Variants in DMD observed in about 807,000 individuals in gnomAD.
DMD encodes mutant dystrophin.
Under a neutral mutation model 330.1 loss-of-function variants are expected in DMD, and 63 were observed. The observed-to-expected ratio is 0.19, with a 90% CI of 0.16 to 0.24. The LOEUF (loss-of-function observed/expected upper bound fraction) is 0.24, where lower values mean the gene tolerates loss of function less well. Ranked by LOEUF, DMD falls within the 10% of genes least tolerant of loss-of-function variation. DMD has a pLI of 1.00. For synonymous variants in DMD, 1,223 were observed against 959.8 expected, an observed-to-expected ratio of 1.27 and a Z score of -5.07; for missense variants, 3,344 against 2,684.1, an observed-to-expected ratio of 1.25 and a Z score of -5.43.
intron 44 of DMD, among the ~76,000 whole-genome samples, chrX:32,175,746 A>G (rs985619910): frequency 9.9e-5 from 11 of 111,355 alleles, no homozygotes; most frequent in Admixed American, 4.8e-4. Flanking sequence ...GACCACATGT[A>G]CAGTCCTTAC....
intron 49 of DMD, among the ~76,000 whole-genome samples, chrX:31,827,397 C>T (rs2092916387): frequency 8.9e-6 from 1 of 111,988 alleles, no homozygotes; most frequent in African/African-American, 3.2e-5. Context: ...TTTATATGCA[C>T]CTAACACTGG....
chrX:31,603,497 T>TA (rs1050583608), intron 55 of DMD, among the ~76,000 whole-genome samples: 1 of 111,273 alleles, frequency 9.0e-6, no homozygotes, highest in Admixed American at 9.6e-5. Context: ...GGGTTAGAAA[T>TA]AAAAAAAGTC....
At chrX:31,783,034 A>C (rs1347532087) in intron 50 of DMD, among the ~76,000 whole-genome samples, 1 of 111,941 alleles carries the variant, frequency 8.9e-6, no homozygotes, top group Non-Finnish European at 1.9e-5. Flanking sequence ...AAAAAGCCAG[A>C]TGAAACCATA....
In DMD at chrX:31,226,205, G is replaced by A. The variant is rs186668121; in HGVS notation, c.9287-3084C>T. Among the ~76,000 whole-genome samples, 847 of 112,106 alleles carry A rather than the reference G, an allele frequency of 7.6e-3. 4 individuals carry two copies. The highest frequency in any genetic ancestry group is 0.041 in the Middle Eastern group (9 of 218). ...AGAGCCTCTGGTGATTCATATGGAA[G>A]TTCTTTAAATGAATATTTTAATAAA... On this transcript the variant is annotated intron_variant, in intron 63 of 78. Coordinates refer to ENST00000357033, the MANE Select transcript of DMD (RefSeq NM_004006.3).
chrX:32,369,115 C>T (rs1196324908), intron 34 of DMD, among the ~76,000 whole-genome samples: 2 of 111,305 alleles, frequency 1.8e-5, no homozygotes, highest in Non-Finnish European at 3.8e-5. Flanking sequence ...ACTATAAATT[C>T]TCACAATGTC....
In DMD at chrX:32,252,614, A is replaced by T. The variant is rs1331478502; in HGVS notation, c.6290+34915T>A. Among the ~76,000 whole-genome samples the T allele has an allele frequency of 1.2e-3, 102 of 85,446 alleles. 1 individual carries two copies. The highest frequency in any genetic ancestry group is 1.8e-3 in the Non-Finnish European group (83 of 46,818). The allele number at this position is 85,446 out of a possible 115,157, so 74.2% of individuals were successfully genotyped here. Reference sequence around the variant, plus strand: ...TATATATATATAAACATATATAAATAAATATATAAATATGTGTATATATAA... The same window carrying T: ...TATATATATATAAACATATATAAATTAATATATAAATATGTGTATATATAA... On this transcript the variant is annotated intron_variant, in intron 43 of 78. Coordinates refer to ENST00000357033, the MANE Select transcript of DMD (RefSeq NM_004006.3).
At chrX:32,517,263 G>T (rs2045946864) in intron 18 of DMD, 1 of 112,059 alleles carries the variant, frequency 8.9e-6, no homozygotes, top group Non-Finnish European at 1.9e-5. Flanking sequence ...TACTCTGCCT[G>T]TTAGAAATTA....
intron 7 of DMD, among the ~76,000 whole-genome samples, chrX:32,778,429 G>A (rs189865228): frequency 1.2e-4 from 13 of 110,541 alleles, no homozygotes; most frequent in African/African-American, 3.9e-4. Flanking sequence ...CTAAGAAACT[G>A]AACAGAAAAA....
At chrX:32,912,679 C>G (rs1463250823) in intron 2 of DMD, among the ~76,000 whole-genome samples, 1 of 111,574 alleles carries the variant, frequency 9.0e-6, no homozygotes, top group Admixed American at 9.5e-5. Context: ...ATGATTCCAA[C>G]TATACGAAGT....
chrX:31,348,787 G>A (rs1367488562), intron 60 of DMD, among the ~76,000 whole-genome samples, 153 bp from the exon 61 acceptor site: 4 of 111,978 alleles, frequency 3.6e-5, no homozygotes, highest in East Asian at 2.8e-4. Flanking sequence ...TTCACTTACC[G>A]TATATAGTAT....
chrX:33,018,078 G>T (rs535902420), intron 2 of DMD, among the ~76,000 whole-genome samples: 2 of 112,237 alleles, frequency 1.8e-5, no homozygotes, highest in South Asian at 7.2e-4. Flanking sequence ...TAAGAAAAGA[G>T]GAAAAAGATT....
chrX:32,977,249 G>A (rs1278661631), intron 2 of DMD, among the ~76,000 whole-genome samples: 2 of 110,963 alleles, frequency 1.8e-5, no homozygotes, highest in African/African-American at 6.6e-5. Context: ...GCATTGAGCC[G>A]AGATCATGCC....
At chrX:31,917,020 T>C (rs1037899243) in intron 47 of DMD, among the ~76,000 whole-genome samples, 21 of 112,001 alleles carry the variant, frequency 1.9e-4, no homozygotes, top group African/African-American at 6.8e-4. Flanking sequence ...ACTGTATGCA[T>C]TCCATTGAAT....
chrX:31,780,346 T>C (rs1459553585), intron 50 of DMD, among the ~76,000 whole-genome samples: 1 of 112,251 alleles, frequency 8.9e-6, no homozygotes, highest in Admixed American at 9.5e-5. Flanking sequence ...AAATAAGTTA[T>C]TGGGCTCACA....
At chrX:31,487,060 T>C (rs900413462) in intron 57 of DMD, among the ~76,000 whole-genome samples, 3 of 111,330 alleles carry the variant, frequency 2.7e-5, no homozygotes, top group Non-Finnish European at 5.7e-5. Flanking sequence ...AGCAAATTCA[T>C]AGGGGTTCAT....
intron 7 of DMD, among the ~76,000 whole-genome samples, chrX:32,739,617 C>A (rs781061692): frequency 8.9e-6 from 1 of 111,756 alleles, no homozygotes; most frequent in South Asian, 3.7e-4. Context: ...TATTAACAGA[C>A]CAGTGGTTGG....
intron 1 of DMD, among the ~76,000 whole-genome samples, chrX:33,169,834 GC>G (rs1266385866): frequency 1.8e-5 from 2 of 109,444 alleles, no homozygotes; most frequent in Non-Finnish European, 3.8e-5. Flanking sequence ...TTAATCGCTA[GC>G]CCCCCTCCTA....
intron 73 of DMD, 138 bp downstream of exon 73, chrX:31,172,209 GA>G: frequency 1.9e-6 from 1 of 532,473 alleles, no homozygotes; most frequent in Non-Finnish European, 3.2e-6. Flanking sequence ...AGAATTAAAG[GA>G]AAAAAGTAAA....
intron 7 of DMD, among the ~76,000 whole-genome samples, chrX:32,723,800 C>A (rs2066579010): frequency 9.1e-6 from 1 of 109,982 alleles, no homozygotes; most frequent in African/African-American, 3.3e-5. Flanking sequence ...CTTTTGGCTT[C>A]CTTAGGCTCC....
Sources: allele counts gnomAD v4.1 joint callset (sites outside exome capture counted in the v4.1 genomes callset), GRCh38; gene constraint gnomAD v4.1.1; transcripts MANE v1.5; gene names NCBI Gene and HGNC (gene_info 2026-07-23, HGNC 2026-07-21).